Variants in BRCA2 observed in about 807,000 individuals in gnomAD.
BRCA2 encodes BRCA2 DNA repair associated.
A neutral mutation model predicts 276.7 loss-of-function variants in BRCA2; 203 were observed. The ratio of observed to expected loss-of-function variants is 0.73; its 90% CI spans 0.65 to 0.82. BRCA2 has a LOEUF of 0.82. Ranked by LOEUF, BRCA2 falls within the 40% of genes least tolerant of loss-of-function variation. BRCA2 has a pLI of 0.00. For synonymous variants in BRCA2, 1,289 were observed against 1,338.4 expected, an observed-to-expected ratio of 0.96 and a Z score of 0.81; for missense variants, 3,920 against 3,915.0, an observed-to-expected ratio of 1.00 and a Z score of -0.03.
At chr13:32,379,967 G>T (rs2137624215) in intron 23 of BRCA2, 40 bp from the exon 24 acceptor site, 2 of 1,613,128 alleles carry the variant, frequency 1.2e-6, no homozygotes, top group Non-Finnish European at 1.7e-6. Context: ...GTTAGTTTAT[G>T]GAATCTCCAT....
intron 18 of BRCA2, among the ~76,000 whole-genome samples, chr13:32,367,418 C>G (rs2072791016): frequency 6.6e-6 from 1 of 151,516 alleles, no homozygotes; most frequent in Non-Finnish European, 1.5e-5. Flanking sequence ...GCCTGGGTGA[C>G]AGAGCGAGAC....
At chr13:32,354,310 A>G (rs987410348) in intron 13 of BRCA2, among the ~76,000 whole-genome samples, 1 of 152,198 alleles carries the variant, frequency 6.6e-6, no homozygotes, top group African/African-American at 2.4e-5. Context: ...CTATTGAAGA[A>G]GGTTGACTGT....
Position 32,384,015 on chromosome 13 carries a change from G to A in BRCA2, c.9256+3870G>A, listed in dbSNP as rs11571786. 3.9e-3 allele frequency among the ~76,000 whole-genome samples: 590 copies of A among 152,322 alleles called. 5 individuals carry two copies. The highest frequency in any genetic ancestry group is 0.013 in the African/African-American group (555 of 41,558). The stretch of plus-strand genomic sequence containing the variant: ...GAAATTTCCAGGAAACATGACCATC[G>A]TGATGACAGAATGACAGTGAGTTAT... On this transcript the variant is annotated intron_variant, in intron 24 of 26. Transcript: ENST00000380152.
At position 32,379,045 on chromosome 13, in the gene BRCA2, A is replaced by G. The variant is rs4942485; in HGVS notation, c.8755-272A>G. Reference sequence around the variant, plus strand: ...AGATCTATTTCTCAAAATAATGAGCATTCAGATATTAGCCATCTGTAATGT... The same window carrying G: ...AGATCTATTTCTCAAAATAATGAGCGTTCAGATATTAGCCATCTGTAATGT... On this transcript the variant is annotated intron_variant, in intron 21 of 26. Coordinates refer to ENST00000380152, the MANE Select transcript of BRCA2 (RefSeq NM_000059.4). 0.092 allele frequency among the ~76,000 whole-genome samples: 13,991 copies of G among 152,238 alleles called. 829 individuals are homozygous for G. The highest frequency in any genetic ancestry group is 0.14 in the Admixed American group (2,106 of 15,278).
In BRCA2 at chr13:32,357,886, A is replaced by G. The variant is rs2137567485; in HGVS notation, c.7762A>G (p.Ile2588Val). 1 of 1,614,118 alleles carries G rather than the reference A, an allele frequency of 6.2e-7. No homozygotes were observed. The highest frequency in any genetic ancestry group is 1.3e-5 in the African/African-American group (1 of 75,054). ...ACAGTTGGCTGATGGTGGATGGCTC[A>G]TACCCTCCAATGATGGAAAGGCTGG... ...GIQLADGGWL[I>V]PSNDGKAGKE... Residue 2588 changes from isoleucine to valine, a missense_variant, in exon 16 of 27, where the codon ATA (isoleucine) becomes GTA (valine). Physicochemically the swap from Ile to Val is conservative, Grantham distance 29. Transcript: ENST00000380152.
chr13:32,325,840 T>A lies in BRCA2; in HGVS notation c.426-261T>A, dbSNP rs542917942. On this transcript the variant is annotated intron_variant, in intron 4 of 26. Coordinates refer to ENST00000380152, the MANE Select transcript of BRCA2 (RefSeq NM_000059.4). ...CAGGCGTGAACCACTGTGCCCGGCC[T>A]ACTTTACAAAATTTTTGAGTTTAAA... 1.8e-3 allele frequency among the ~76,000 whole-genome samples: 273 copies of A among 152,314 alleles called. 1 individual carries two copies. The highest frequency in any genetic ancestry group is 6.3e-3 in the African/African-American group (262 of 41,566).
Position 32,370,560 on chromosome 13 carries a change from A to G in BRCA2, c.8487+3A>G, listed in dbSNP as rs81002806. ...TTCAAAGAGCATACCCTATACAGGT[A>G]TGATGTATTCTTGAAACTTACCATA... On this transcript the variant is annotated splice_donor_region_variant and intron_variant, in intron 19 of 26. Coordinates refer to ENST00000380152, the MANE Select transcript of BRCA2 (RefSeq NM_000059.4). 1.2e-6 allele frequency: 2 copies of G among 1,609,568 alleles called. No homozygotes were observed. Among genetic ancestry groups the G allele is most frequent in the Non-Finnish European group, 1.7e-6 (2 of 1,175,874 alleles).
chr13:32,390,765 A>C (rs1044720060), intron 24 of BRCA2, among the ~76,000 whole-genome samples: 3 of 152,198 alleles, frequency 2.0e-5, no homozygotes, highest in Admixed American at 6.5e-5. Flanking sequence ...AGCCTCAGTA[A>C]TACAATGATC....
chr13:32,369,527 G>A (rs1024646558), intron 18 of BRCA2, among the ~76,000 whole-genome samples: 10 of 152,048 alleles, frequency 6.6e-5, no homozygotes, highest in African/African-American at 2.4e-4. Context: ...TAGTTTTATC[G>A]TTGTCTGTAA....
chr13:32,340,820 C>G lies in BRCA2; in HGVS notation c.6465C>G (p.Leu2155=), dbSNP rs746099644. 1 of 1,589,438 alleles carries G rather than the reference C, an allele frequency of 6.3e-7. No homozygotes were observed. Among genetic ancestry groups the G allele is most frequent in the Non-Finnish European group, 8.5e-7 (1 of 1,171,712 alleles). ...NNHSIKVSPY[L]SQFQQDKQQL... ...ACTCTATTAAAGTTTCTCCATATCT[C>G]TCTCAATTTCAACAAGACAAACAAC... Residue 2155 remains leucine, a synonymous_variant, in exon 11 of 27, where the codon CTC becomes CTG. Transcript: ENST00000380152.
chr13:32,326,541 G>A lies in BRCA2; in HGVS notation c.559G>A (p.Glu187Lys), dbSNP rs80358780. The change falls in exon 7 of 27, where the codon GAG (glutamate) becomes AAG (lysine). Residue 187 changes from glutamate (E) to lysine (K), a missense_variant. Glu to Lys is a moderately conservative substitution (Grantham distance 56). Coordinates refer to ENST00000380152, the MANE Select transcript of BRCA2 (RefSeq NM_000059.4). ...PKHISESLGA[E>K]VDPDMSWSSS... ...ACATATTTCTGAAAGTCTAGGAGCT[G>A]AGGTGGATCCTGATATGTCTTGGTC... The A allele has an allele frequency of 6.2e-7, 1 of 1,614,054 alleles. No individual in the cohort carries two copies.
chr13:32,342,938 A>C (rs2072582600), intron 11 of BRCA2, among the ~76,000 whole-genome samples: 1 of 152,146 alleles, frequency 6.6e-6, no homozygotes, highest in Non-Finnish European at 1.5e-5. Flanking sequence ...AATCCCAGCT[A>C]CTAGGGAAGT....
rs876659902 is a variant in BRCA2 at position 32,338,547 on chromosome 13, G to C, written c.4192G>C (p.Ala1398Pro). 1.9e-6 allele frequency: 3 copies of C among 1,602,500 alleles called. No homozygotes were observed. Among genetic ancestry groups the C allele is most frequent in the Non-Finnish European group, 2.6e-6 (3 of 1,175,644 alleles). The change falls in exon 11 of 27, where the codon GCA (alanine) becomes CCA (proline). Residue 1398 changes from alanine (A) to proline (P), a missense_variant. Ala to Pro is a conservative substitution (Grantham distance 27). Coordinates refer to ENST00000380152, the MANE Select transcript of BRCA2 (RefSeq NM_000059.4). Reference sequence around the variant, plus strand: ...TTTGGAAGTTGCGAAAGCTCAAGAAGCATGTCATGGTAATACTTCAAATAA... The same window carrying C: ...TTTGGAAGTTGCGAAAGCTCAAGAACCATGTCATGGTAATACTTCAAATAA... Reference protein sequence around the residue: ...TFLEVAKAQEACHGNTSNKEQ... With the variant: ...TFLEVAKAQEPCHGNTSNKEQ...
At chr13:32,397,153 A>C (rs983623566) in intron 26 of BRCA2, 109 bp downstream of exon 26, 18 of 1,290,490 alleles carry the variant, frequency 1.4e-5, no homozygotes, top group Non-Finnish European at 1.8e-5. Context: ...ACTTAATTAG[A>C]AAATGTGGTT....
intron 13 of BRCA2, among the ~76,000 whole-genome samples, chr13:32,351,761 C>A (rs781048955): frequency 1.6e-4 from 24 of 151,906 alleles, no homozygotes; most frequent in Non-Finnish European, 2.9e-4. Context: ...CTAAAAATAT[C>A]ATTGAAATTA....
intron 2 of BRCA2, 80 bp downstream of exon 2, chr13:32,316,607 G>T: frequency 8.2e-7 from 1 of 1,215,936 alleles, no homozygotes; most frequent in Non-Finnish European, 1.2e-6. Context: ...AACCCAGTAC[G>T]TCACAGTGTT....
chr13:32,354,798 C>A, intron 13 of BRCA2, 63 bp from the exon 14 acceptor site: 1 of 1,146,622 alleles, frequency 8.7e-7, no homozygotes, highest in Admixed American at 1.7e-5. Flanking sequence ...GCAACAAAGG[C>A]ATATTCCTAA....
chr13:32,320,673 T>C (rs1266060852), intron 3 of BRCA2, among the ~76,000 whole-genome samples: 1 of 152,214 alleles, frequency 6.6e-6, no homozygotes, highest in Non-Finnish European at 1.5e-5. Context: ...AATTCATGGC[T>C]ATAGGGAGTG....
intron 3 of BRCA2, among the ~76,000 whole-genome samples, chr13:32,324,520 G>A (rs1389841726): frequency 6.6e-6 from 1 of 152,200 alleles, no homozygotes; most frequent in Non-Finnish European, 1.5e-5. Flanking sequence ...ATACTATGGA[G>A]TTTGACTTGA....
Sources: allele counts gnomAD v4.1 joint callset (sites outside exome capture counted in the v4.1 genomes callset), GRCh38; gene constraint gnomAD v4.1.1; transcripts MANE v1.5; gene names NCBI Gene and HGNC (gene_info 2026-07-23, HGNC 2026-07-21).